The following CDK14 variants were observed in gnomAD, a reference collection of about 807,000 sequenced individuals.
CDK14 encodes the protein cyclin dependent kinase 14.
CDK14 carries 34 observed loss-of-function variants against 60.7 expected under a neutral mutation model. The observed-to-expected ratio is 0.56, with a 90% CI of 0.43 to 0.75. CDK14 has a LOEUF of 0.75. Among genes scored for constraint, CDK14 ranks in the 30% least tolerant of loss-of-function variants. The probability of loss-of-function intolerance (pLI) is 0.00; values close to 1 mark genes in which losing one functional copy is unlikely to be tolerated. For synonymous variants in CDK14, 197 were observed against 203.7 expected (o/e 0.97, Z 0.28); for missense variants, 482 against 564.1 (o/e 0.85, Z 1.47).
At chr7:91,190,749 CA>C (rs1352165810) in intron 14 of CDK14, among the ~76,000 whole-genome samples, 1 of 152,056 alleles carries the variant, frequency 6.6e-6, no homozygotes, top group Non-Finnish European at 1.5e-5. Context: ...CTCGGCCTCC[CA>C]AAGTGCTAGG....
intron 2 of CDK14, among the ~76,000 whole-genome samples, chr7:90,644,780 C>T (rs879758472): frequency 2.0e-5 from 3 of 152,146 alleles, no homozygotes; most frequent in Non-Finnish European, 4.4e-5. Context: ...TTCCTGCACT[C>T]GCCACCATAG....
chr7:90,795,537 A>G (rs1309739939), intron 5 of CDK14, among the ~76,000 whole-genome samples: 2 of 151,640 alleles, frequency 1.3e-5, no homozygotes, highest in Non-Finnish European at 2.9e-5. Flanking sequence ...TATGAATTCC[A>G]TTTCATAGTA....
In CDK14 at chr7:90,727,204, A is replaced by G. The variant is rs563640615; in HGVS notation, c.369+392A>G. On this transcript the variant is annotated intron_variant, in intron 3 of 14. Coordinates refer to ENST00000380050, the MANE Select transcript of CDK14 (RefSeq NM_001287135.2). ...ATTTCATTGCAGAATAAATATCAAA[A>G]TTTGTTCACTTGCGTTAATCCAGTT... 4.6e-5 allele frequency among the ~76,000 whole-genome samples: 7 copies of G among 152,290 alleles called. No individual in the cohort carries two copies. In the South Asian group the frequency reaches 1.4e-3, roughly 32 times the overall value.
At chr7:90,971,229 A>G (rs1364854040) in intron 9 of CDK14, among the ~76,000 whole-genome samples, 1 of 151,550 alleles carries the variant, frequency 6.6e-6, no homozygotes, top group East Asian at 1.9e-4. Context: ...GAGATCTTGG[A>G]ACTGAAAAGA....
chr7:90,996,140 A>T (rs1036307517), intron 10 of CDK14, among the ~76,000 whole-genome samples: 1 of 152,200 alleles, frequency 6.6e-6, no homozygotes, highest in Non-Finnish European at 1.5e-5. Flanking sequence ...TTGTGCTACT[A>T]GTATCAGGTG....
chr7:90,634,865 G>A (rs1443374903), intron 2 of CDK14, among the ~76,000 whole-genome samples: 2 of 152,020 alleles, frequency 1.3e-5, no homozygotes, highest in Non-Finnish European at 2.9e-5. Flanking sequence ...GTTTTGATTT[G>A]CATCTCTCTG....
chr7:90,949,713 T>A (rs572305484), intron 8 of CDK14, among the ~76,000 whole-genome samples: 1 of 152,302 alleles, frequency 6.6e-6, no homozygotes, highest in South Asian at 2.1e-4. Context: ...TAAACATTTT[T>A]AAGGGATTTT....
intron 14 of CDK14, among the ~76,000 whole-genome samples, chr7:91,155,147 T>C (rs547267244): frequency 1.3e-5 from 2 of 152,218 alleles, no homozygotes; most frequent in African/African-American, 4.8e-5. Flanking sequence ...CTTAGGATCC[T>C]AGACTGCTGG....
intron 7 of CDK14, among the ~76,000 whole-genome samples, chr7:90,907,054 A>G (rs874172): frequency 0.099 from 15,060 of 152,104 alleles, 859 homozygotes; most frequent in Middle Eastern, 0.14. Flanking sequence ...TTGACAAAGT[A>G]ATTTTAGCAA....
intron 5 of CDK14, among the ~76,000 whole-genome samples, chr7:90,793,095 A>G (rs140360527): frequency 0.016 from 2,335 of 147,700 alleles, 21 homozygotes; most frequent in Middle Eastern, 0.027. Context: ...ATTTCTTTCC[A>G]CTCTGTATAT....
At chr7:90,689,582 T>G (rs1801511655) in intron 2 of CDK14, among the ~76,000 whole-genome samples, 1 of 152,176 alleles carries the variant, frequency 6.6e-6, no homozygotes, top group Non-Finnish European at 1.5e-5. Context: ...AATTAGATCT[T>G]CTCATACTAC....
intron 2 of CDK14, among the ~76,000 whole-genome samples, chr7:90,709,045 G>A (rs946714098): frequency 6.6e-6 from 1 of 151,926 alleles, no homozygotes; most frequent in Non-Finnish European, 1.5e-5. Context: ...GCTTGTTTTG[G>A]TATTTTATTT....
intron 2 of CDK14, among the ~76,000 whole-genome samples, chr7:90,610,070 A>G (rs1465210295): frequency 6.6e-6 from 1 of 152,144 alleles, no homozygotes. Context: ...TATTCCCTGT[A>G]TCTTTTCTTT....
At chr7:90,840,972 G>C (rs1790269722) in intron 5 of CDK14, among the ~76,000 whole-genome samples, 1 of 152,126 alleles carries the variant, frequency 6.6e-6, no homozygotes. Flanking sequence ...ACACTCATAT[G>C]CACATACAGG....
intron 6 of CDK14, among the ~76,000 whole-genome samples, chr7:90,871,479 T>C (rs1791371033): frequency 6.6e-6 from 1 of 152,152 alleles, no homozygotes; most frequent in African/African-American, 2.4e-5. Flanking sequence ...AGGTAGTGTA[T>C]ATATTCTAGA....
intron 2 of CDK14, among the ~76,000 whole-genome samples, chr7:90,668,897 T>G (rs35219099): frequency 1.3e-5 from 2 of 151,178 alleles, no homozygotes; most frequent in African/African-American, 4.9e-5. Context: ...TTATTTATTT[T>G]TTTTTACAAT....
intron 12 of CDK14, among the ~76,000 whole-genome samples, chr7:91,107,084 C>G (rs1467186169): frequency 6.6e-6 from 1 of 152,154 alleles, no homozygotes; most frequent in East Asian, 1.9e-4. Context: ...TTTCTGTTGC[C>G]TCATTACTGA....
chr7:90,648,249 C>G (rs1420887011), intron 2 of CDK14, among the ~76,000 whole-genome samples: 1 of 152,160 alleles, frequency 6.6e-6, no homozygotes. Flanking sequence ...GCCTCACTCA[C>G]ATGACTGTTG....
At chr7:91,135,242 G>T (rs1418960826) in intron 14 of CDK14, among the ~76,000 whole-genome samples, 3 of 152,102 alleles carry the variant, frequency 2.0e-5, no homozygotes, top group African/African-American at 7.2e-5. Context: ...GAGGCAGAGG[G>T]AGGAAGACTG....
Sources: gnomAD v4.1 joint callset for allele counts (sites outside exome capture counted in the v4.1 genomes callset) on GRCh38, gnomAD v4.1.1 for gene constraint, MANE v1.5 for transcripts, NCBI Gene and HGNC (gene_info 2026-07-23, HGNC 2026-07-21) for gene names.